TRPM6: variants seen among roughly 807,000 people sequenced by gnomAD.
The protein encoded by TRPM6 is transient receptor potential cation channel subfamily M member 6.
TRPM6 carries 111 observed loss-of-function variants against 247.6 expected under a neutral mutation model. The ratio of observed to expected loss-of-function variants is 0.45; its 90% CI spans 0.38 to 0.52. The LOEUF (loss-of-function observed/expected upper bound fraction) is 0.52. TRPM6 is among the 20% of genes least tolerant of loss of function. The probability of loss-of-function intolerance (pLI) is 0.00; values close to 1 mark genes in which losing one functional copy is unlikely to be tolerated. For synonymous variants in TRPM6, 892 were observed against 853.8 expected, an observed-to-expected ratio of 1.04 and a Z score of -0.78; for missense variants, 2,126 against 2,421.5, an observed-to-expected ratio of 0.88 and a Z score of 2.56.
chr9:74,883,003 C>T (rs1831411381), intron 1 of TRPM6, among the ~76,000 whole-genome samples: 1 of 152,132 alleles, frequency 6.6e-6, no homozygotes, highest in Admixed American at 6.6e-5. Context: ...ACTCTATACC[C>T]ATTAAACAAC....
intron 5 of TRPM6, among the ~76,000 whole-genome samples, chr9:74,836,402 T>C (rs1473368152): frequency 6.6e-6 from 1 of 152,084 alleles, no homozygotes; most frequent in Non-Finnish European, 1.5e-5. Context: ...ACTTCCTCAT[T>C]CCTGGCATCT....
intron 14 of TRPM6, among the ~76,000 whole-genome samples, chr9:74,807,707 G>GA (rs998052782): frequency 1.3e-4 from 19 of 150,496 alleles, no homozygotes; most frequent in African/African-American, 2.7e-4. Context: ...AAAAAGAAAA[G>GA]AAAAAAAAAG....
chr9:74,732,544 G>T, intron 37 of TRPM6, 141 bp downstream of exon 37: 1 of 569,798 alleles, frequency 1.8e-6, no homozygotes, highest in East Asian at 3.1e-5. Context: ...TAATCTTATT[G>T]TTTTTGGTCT....
Position 74,812,382 on chromosome 9 carries a change from C to T in TRPM6, c.1360G>A (p.Asp454Asn). 5 of 1,614,034 alleles carry T rather than the reference C, an allele frequency of 3.1e-6. No individual in the cohort carries two copies. Among genetic ancestry groups the T allele is most frequent in the Non-Finnish European group, 4.2e-6 (5 of 1,179,972 alleles). The change falls in exon 12 of 39, where the codon GAT (aspartate) becomes AAT (asparagine). Residue 454 changes from aspartate to asparagine, a missense_variant. Asp to Asn is a conservative substitution (Grantham distance 23). Transcript: ENST00000360774. ...TATTCTATTAAGAGCTTCACAAAAT[C>T]CACCCGATCCATCACTAAAGCATCT... ...MSDALVMDRV[D>N]FVKLLIEYGV...
chr9:74,874,241 CA>C (rs55659846), intron 1 of TRPM6, among the ~76,000 whole-genome samples: 91,812 of 137,318 alleles, frequency 0.67, 28,852 homozygotes, highest in Middle Eastern at 0.74. Flanking sequence ...GTCTTAAAAA[CA>C]AAAAAAAAAA....
At chr9:74,734,411 A>G (rs1202823557) in intron 36 of TRPM6, among the ~76,000 whole-genome samples, 1 of 152,216 alleles carries the variant, frequency 6.6e-6, no homozygotes, top group African/African-American at 2.4e-5. Context: ...AACCTTTCAT[A>G]AGAAAATGTA....
intron 5 of TRPM6, among the ~76,000 whole-genome samples, chr9:74,836,058 T>C (rs138613731): frequency 1.8e-3 from 280 of 152,302 alleles, no homozygotes; most frequent in Admixed American, 3.3e-3. Context: ...TTGACAAAGA[T>C]ACAATGATGT....
chr9:74,849,590 A>G (rs1292468472), intron 3 of TRPM6, among the ~76,000 whole-genome samples: 1 of 152,148 alleles, frequency 6.6e-6, no homozygotes, highest in African/African-American at 2.4e-5. Flanking sequence ...TGAAAAGTTC[A>G]TTTCTGTTGT....
intron 25 of TRPM6, among the ~76,000 whole-genome samples, chr9:74,767,616 A>G (rs1824496625): frequency 6.6e-6 from 1 of 152,176 alleles, no homozygotes; most frequent in African/African-American, 2.4e-5. Context: ...ACAGTATAAG[A>G]ACAGTGCCAC....
intron 3 of TRPM6, among the ~76,000 whole-genome samples, chr9:74,853,085 C>G (rs984798942): frequency 3.3e-5 from 5 of 150,434 alleles, no homozygotes; most frequent in Non-Finnish European, 7.4e-5. Context: ...ATGTGAGGAG[C>G]GCCTCTGCCC....
At chr9:74,830,749 G>GTTTTTTTTTTTT (rs71368685) in intron 6 of TRPM6, among the ~76,000 whole-genome samples, 1 of 87,262 alleles carries the variant, frequency 1.1e-5, no homozygotes. Context: ...GCTAATTTTT[G>GTTTTTTTTTTTT]TTTTTTTTTT....
At chr9:74,800,013 C>T (rs555100994) in intron 17 of TRPM6, 6 of 534,422 alleles carry the variant, frequency 1.1e-5, no homozygotes, top group African/African-American at 9.5e-5. Flanking sequence ...ATGTGCATCC[C>T]TCCCAAAGCT....
At chr9:74,775,203 G>T (rs748822230) in intron 24 of TRPM6, among the ~76,000 whole-genome samples, 1 of 152,060 alleles carries the variant, frequency 6.6e-6, no homozygotes, top group African/African-American at 2.4e-5. Context: ...CCCTATTTCC[G>T]CATCCTGACT....
intron 6 of TRPM6, 92 bp from the exon 7 acceptor site, chr9:74,828,041 G>A (rs1489353524): frequency 7.4e-7 from 1 of 1,343,172 alleles, no homozygotes; most frequent in African/African-American, 1.5e-5. Flanking sequence ...TGCTAAAAGA[G>A]TTCCTGTCTA....
intron 18 of TRPM6, among the ~76,000 whole-genome samples, chr9:74,793,651 G>A (rs1827982606): frequency 6.6e-6 from 1 of 152,220 alleles, no homozygotes; most frequent in Admixed American, 6.5e-5. Flanking sequence ...GCCATTCCTT[G>A]TCATAGGAAA....
At chr9:74,838,660 A>G (rs991073534) in intron 5 of TRPM6, among the ~76,000 whole-genome samples, 1 of 152,268 alleles carries the variant, frequency 6.6e-6, no homozygotes, top group African/African-American at 2.4e-5. Context: ...AGAAATTAAA[A>G]GACAAAAGTG....
intron 3 of TRPM6, among the ~76,000 whole-genome samples, chr9:74,843,458 A>T (rs1434001252): frequency 2.0e-5 from 3 of 152,158 alleles, no homozygotes; most frequent in Non-Finnish European, 4.4e-5. Context: ...GTCCAGATCC[A>T]TCAGAGGAAT....
At chr9:74,844,459 T>C (rs1830044686) in intron 3 of TRPM6, among the ~76,000 whole-genome samples, 1 of 152,250 alleles carries the variant, frequency 6.6e-6, no homozygotes, top group Admixed American at 6.5e-5. Flanking sequence ...TGCTTCACCC[T>C]GAACTTTTAT....
intron 18 of TRPM6, among the ~76,000 whole-genome samples, chr9:74,796,276 G>A (rs1011862743): frequency 6.6e-6 from 1 of 152,176 alleles, no homozygotes; most frequent in Non-Finnish European, 1.5e-5. Flanking sequence ...ATTGAACAAT[G>A]GTGAGATATT....
Sources: gnomAD v4.1 joint callset for allele counts (sites outside exome capture counted in the v4.1 genomes callset) on GRCh38, gnomAD v4.1.1 for gene constraint, MANE v1.5 for transcripts, NCBI Gene and HGNC (gene_info 2026-07-23, HGNC 2026-07-21) for gene names.